The following NCALD variants were observed in gnomAD, a reference collection of about 807,000 sequenced individuals.
NCALD encodes the protein neurocalcin-delta.
In NCALD, 10 loss-of-function variants were observed where a neutral mutation model predicts 18.6. The observed-to-expected ratio is 0.54, with a 90% CI of 0.33 to 0.91. The LOEUF (loss-of-function observed/expected upper bound fraction) is 0.91. NCALD is among the 40% of genes least tolerant of loss of function. The pLI, the probability that NCALD is intolerant of heterozygous loss-of-function variation, is 0.03. For missense variants in NCALD, 184 were observed against 247.6 expected, an observed-to-expected ratio of 0.74 and a Z score of 1.72; for synonymous variants, 88 against 87.4, an observed-to-expected ratio of 1.01 and a Z score of -0.04.
intron 1 of NCALD, among the ~76,000 whole-genome samples, chr8:101,776,034 G>T (rs1811777249): frequency 6.6e-6 from 1 of 152,170 alleles, no homozygotes; most frequent in South Asian, 2.1e-4. Context: ...CAGGGTCTCT[G>T]CCTCATCAAG....
chr8:102,118,692 C>T (rs1825860191), intron 1 of NCALD, among the ~76,000 whole-genome samples: 2 of 151,704 alleles, frequency 1.3e-5, no homozygotes, highest in Admixed American at 6.6e-5. Context: ...CTATTATGTT[C>T]TCTCATCTAA....
At chr8:101,793,664 C>T (rs1022464774), upstream of NCALD, among the ~76,000 whole-genome samples, 1 of 152,166 alleles carries the variant, frequency 6.6e-6, no homozygotes, top group Non-Finnish European at 1.5e-5. Flanking sequence ...TCTCCAATCA[C>T]AGCCCACTAC....
intron 3 of NCALD, among the ~76,000 whole-genome samples, chr8:101,892,464 C>T (rs1816945312): frequency 1.3e-5 from 2 of 149,340 alleles, no homozygotes; most frequent in Non-Finnish European, 2.9e-5. Flanking sequence ...GCCTCTCCTC[C>T]TCCAAAGGAA....
intron 1 of NCALD, among the ~76,000 whole-genome samples, chr8:101,774,977 C>A (rs957357454): frequency 6.6e-6 from 1 of 152,158 alleles, no homozygotes; most frequent in Non-Finnish European, 1.5e-5. Flanking sequence ...GGGATCTGTG[C>A]CAGTTCTGTT....
At chr8:101,852,003 T>C (rs1815112793) in intron 4 of NCALD, among the ~76,000 whole-genome samples, 1 of 152,148 alleles carries the variant, frequency 6.6e-6, no homozygotes, top group Non-Finnish European at 1.5e-5. Flanking sequence ...TGAGGACAAT[T>C]CACCCCTTCC....
At chr8:101,700,853 GA>G (rs1365719733) in intron 2 of NCALD, among the ~76,000 whole-genome samples, 7 of 152,154 alleles carry the variant, frequency 4.6e-5, no homozygotes, top group African/African-American at 1.2e-4. Flanking sequence ...AACGGCGTCC[GA>G]AGTCCCCGAT....
chr8:102,040,651 A>G (rs2132174711), intron 1 of NCALD, among the ~76,000 whole-genome samples: 1 of 152,112 alleles, frequency 6.6e-6, no homozygotes, highest in African/African-American at 2.4e-5. Flanking sequence ...AGCTTGCTGC[A>G]TACTCCAGAA....
In NCALD at chr8:102,060,270, T is replaced by A. The variant is rs183380666; in HGVS notation, c.-209-39981A>T. Among the ~76,000 whole-genome samples the A allele has an allele frequency of 1.3e-4, 20 of 152,330 alleles. No individual in the cohort carries two copies. In the East Asian group the frequency reaches 1.5e-3, roughly 12 times the overall value. ...TGCTGGGATTACAGGCATGAGCCAC[T>A]GCGCCCGGCCTGAAGTTGTATTTCT... On this transcript the variant is annotated intron_variant, in intron 1 of 6. Transcript: ENST00000311028.
chr8:101,726,413 C>T (rs1360292348), intron 1 of NCALD, among the ~76,000 whole-genome samples: 1 of 152,016 alleles, frequency 6.6e-6, no homozygotes, highest in African/African-American at 2.4e-5. Flanking sequence ...GTGGTATCAG[C>T]AGAAAAGGGG....
At chr8:101,852,783 C>G (rs891754168) in intron 4 of NCALD, 1 of 152,160 alleles carries the variant, frequency 6.6e-6, no homozygotes, top group Admixed American at 6.6e-5. Context: ...AGTGCCTAGT[C>G]TAAACAGCTG....
Position 101,859,588 on chromosome 8 carries a change from G to A in NCALD, c.-20+27553C>T, listed in dbSNP as rs1032820848. Among the ~76,000 whole-genome samples the A allele has an allele frequency of 4.6e-5, 7 of 152,090 alleles. No individual in the cohort carries two copies. In the East Asian group the frequency reaches 9.6e-4, roughly 21 times the overall value. ...AGACCCCTTAGCAAATTAACAAAGAGATTCTAGAAGCTAAACGTATGATAG... is the reference window on the plus strand; with the variant it reads ...AGACCCCTTAGCAAATTAACAAAGAAATTCTAGAAGCTAAACGTATGATAG... On this transcript the variant is annotated intron_variant, in intron 4 of 6. Coordinates refer to the NCALD transcript ENST00000311028.
At chr8:101,719,834 G>T (rs1165037381) in intron 1 of NCALD, among the ~76,000 whole-genome samples, 186 bp from the exon 2 acceptor site, 1 of 152,180 alleles carries the variant, frequency 6.6e-6, no homozygotes, top group East Asian at 1.9e-4. Flanking sequence ...AGATAGGCCA[G>T]TAGAGGATGC....
intron 1 of NCALD, among the ~76,000 whole-genome samples, chr8:102,096,053 AGAGCAT>A (rs773411528): frequency 6.6e-6 from 1 of 152,228 alleles, no homozygotes; most frequent in Non-Finnish European, 1.5e-5. Context: ...CTAATAATGA[AGAGCAT>A]GGTCACATGA....
chr8:101,999,073 C>CAAA (rs34227411), intron 2 of NCALD, among the ~76,000 whole-genome samples: 59 of 79,184 alleles, frequency 7.5e-4, no homozygotes, highest in East Asian at 1.1e-3. Flanking sequence ...CACTCACCAT[C>CAAA]AAAAAAAAAA....
intron 1 of NCALD, among the ~76,000 whole-genome samples, chr8:102,075,952 A>C (rs928037368): frequency 7.1e-6 from 1 of 140,352 alleles, no homozygotes; most frequent in Non-Finnish European, 1.5e-5. Flanking sequence ...ATTCTGTCTC[A>C]AAAAAAAAAA....
intron 1 of NCALD, among the ~76,000 whole-genome samples, chr8:102,086,107 C>G (rs1824728926): frequency 6.6e-6 from 1 of 152,136 alleles, no homozygotes; most frequent in Non-Finnish European, 1.5e-5. Context: ...TCAATTATTT[C>G]TCAAATTCTA....
intron 1 of NCALD, among the ~76,000 whole-genome samples, chr8:101,740,097 T>A (rs973009201): frequency 6.6e-6 from 1 of 152,220 alleles, no homozygotes; most frequent in Non-Finnish European, 1.5e-5. Flanking sequence ...TCAATTCTAA[T>A]TTGACCCCTG....
chr8:101,836,779 A>G (rs1814430649), intron 4 of NCALD, among the ~76,000 whole-genome samples: 2 of 152,224 alleles, frequency 1.3e-5, no homozygotes, highest in Non-Finnish European at 2.9e-5. Context: ...TCACCATTAA[A>G]AAGGCAAAAT....
intron 4 of NCALD, among the ~76,000 whole-genome samples, chr8:101,807,438 A>G (rs1813146208): frequency 6.6e-6 from 1 of 152,176 alleles, no homozygotes; most frequent in Non-Finnish European, 1.5e-5. Flanking sequence ...CCATATGGTA[A>G]TTTGAATCCA....
Sources: gnomAD v4.1 joint callset for allele counts (sites outside exome capture counted in the v4.1 genomes callset) on GRCh38, gnomAD v4.1.1 for gene constraint, MANE v1.5 for transcripts, NCBI Gene and HGNC (gene_info 2026-07-23, HGNC 2026-07-21) for gene names.